Variants in ODC1 observed in about 807,000 individuals in gnomAD.
The protein encoded by ODC1 is ornithine decarboxylase.
Under a neutral mutation model 41.5 loss-of-function variants are expected in ODC1, and 18 were observed. That is an observed-to-expected ratio of 0.43 (90% confidence interval 0.30 to 0.64). The LOEUF (loss-of-function observed/expected upper bound fraction) is 0.64. Ranked by LOEUF, ODC1 falls within the 30% of genes least tolerant of loss-of-function variation. The pLI, the probability that ODC1 is intolerant of heterozygous loss-of-function variation, is 0.11. For missense variants in ODC1, 504 were observed against 589.0 expected (o/e 0.86, Z 1.49); for synonymous variants, 218 against 211.6 (o/e 1.03, Z -0.26).
chr2:10,440,638 C>A lies in ODC1; in HGVS notation c.*86G>T. Reference sequence around the variant, plus strand: ...CGACCCTACTCTTACAAAGACATTTCAAAACTAGCAGTAATTAAGTTACAT... The same window carrying A: ...CGACCCTACTCTTACAAAGACATTTAAAAACTAGCAGTAATTAAGTTACAT... On this transcript the variant is annotated 3_prime_UTR_variant, in exon 12 of 12. Transcript: ENST00000234111. The A allele has an allele frequency of 1.4e-6, 2 of 1,424,430 alleles. No homozygotes were observed. The highest frequency in any genetic ancestry group is 9.6e-7 in the Non-Finnish European group (1 of 1,037,190). The allele number at this position is 1,424,430 out of a possible 1,614,324, so 88.2% of individuals were successfully genotyped here.
intron 1 of ODC1, chr2:10,447,502 G>A (rs1356239242): frequency 6.6e-6 from 1 of 152,208 alleles, no homozygotes; most frequent in Non-Finnish European, 1.5e-5. Context: ...GTGTATGTCC[G>A]TTCATCTAAG....
chr2:10,444,033 T>C (rs1671929775), intron 5 of ODC1, 62 bp downstream of exon 5: 1 of 1,509,414 alleles, frequency 6.6e-7, no homozygotes, highest in South Asian at 1.3e-5. Flanking sequence ...TTTAAGTTTG[T>C]TTGATAAGAA....
intron 1 of ODC1, 120 bp from the exon 2 acceptor site, chr2:10,445,384 G>A (rs990398561): frequency 2.1e-5 from 5 of 233,928 alleles, no homozygotes; most frequent in Non-Finnish European, 3.4e-5. Flanking sequence ...TCACTGGCCT[G>A]GTCATCCTAA....
chr2:10,441,408 T>C, intron 11 of ODC1, 101 bp downstream of exon 11: 1 of 1,218,794 alleles, frequency 8.2e-7, no homozygotes, highest in Non-Finnish European at 1.1e-6. Context: ...CATATATATT[T>C]AATCTTAGGC....
chr2:10,440,627 CAA>C lies in ODC1; in HGVS notation c.*95_*96del. 1 of 1,338,382 alleles carries C rather than the reference CAA, an allele frequency of 7.5e-7. No individual in the cohort carries two copies. Among genetic ancestry groups the C allele is most frequent in the South Asian group, 1.3e-5 (1 of 74,800 alleles). The allele number at this position is 1,338,382 out of a possible 1,614,324, so 82.9% of individuals were successfully genotyped here. Reference sequence around the variant, plus strand: ...CTGCATCATGGCGACCCTACTCTTACAAAGACATTTCAAAACTAGCAGTAATT... The same window carrying C: ...CTGCATCATGGCGACCCTACTCTTACAGACATTTCAAAACTAGCAGTAATT... On this transcript the variant is annotated 3_prime_UTR_variant, in exon 12 of 12. Transcript: ENST00000234111.
rs28362399 is a variant in ODC1, at chr2:10,443,996, A to G, written c.449+99T>C. The G allele has an allele frequency of 5.3e-3, 7,771 of 1,462,548 alleles. 39 individuals carry two copies. The highest frequency in any genetic ancestry group is 8.2e-3 in the Middle Eastern group (45 of 5,520). The allele number at this position is 1,462,548 out of a possible 1,614,324, so 90.6% of individuals were successfully genotyped here. A position where few individuals can be genotyped will look rare whatever the true frequency, so the allele number is the denominator to read the frequency against. Reference sequence around the variant, plus strand: ...ATGGGGGTTTCAACTACTTTCTACTAAAGTATAGAAATATAATAATCAGAA... The same window carrying G: ...ATGGGGGTTTCAACTACTTTCTACTGAAGTATAGAAATATAATAATCAGAA... On this transcript the variant is annotated intron_variant, in intron 5 of 11. Coordinates refer to ENST00000234111, the MANE Select transcript of ODC1 (RefSeq NM_002539.3).
rs11538363 is a variant in ODC1 at position 10,443,275 on chromosome 2, G to A, written c.705C>T (p.Gly235=). Residue 235 remains glycine, a synonymous_variant, in exon 8 of 12, where the codon GGC becomes GGT. Transcript: ENST00000234111. ...VGFSMYLLDI[G]GGFPGSEDVK... Reference sequence around the variant, plus strand: ...CATCCTCAGATCCAGGAAAGCCACCGCCAATATCAAGCAGATACATGCTGA... The same window carrying A: ...CATCCTCAGATCCAGGAAAGCCACCACCAATATCAAGCAGATACATGCTGA... 9.9e-5 allele frequency: 160 copies of A among 1,612,408 alleles called. No individual in the cohort carries two copies. The African/African-American group carries it at 1.9e-3, about 19-fold the overall frequency.
chr2:10,444,558 G>T lies in ODC1; in HGVS notation c.192C>A (p.Pro64=). 13 of 1,614,086 alleles carry T rather than the reference G, an allele frequency of 8.1e-6. No individual in the cohort carries two copies. Among genetic ancestry groups the T allele is most frequent in the Non-Finnish European group, 1.1e-5 (13 of 1,179,982 alleles). Residue 64 remains proline, a synonymous_variant, in exon 4 of 12, where the codon CCC becomes CCA. Coordinates refer to ENST00000234111, the MANE Select transcript of ODC1 (RefSeq NM_002539.3). ...RWLKALPRVT[P]FYAVKCNDSK... is the part of the protein sequence containing the mutation. ...TATCATTACATTTGACTGCATAAAA[G>T]GGGGTGACACGAGGGAGAGCTTTTA...
At position 10,440,566 on chromosome 2, in the gene ODC1, A is replaced by C. The variant is rs1671786450; in HGVS notation, c.*158T>G. The C allele has an allele frequency of 1.6e-6, 1 of 628,980 alleles. No homozygotes were observed. 39.0% of individuals were successfully genotyped at this position (628,980 alleles called of 1,614,324 possible). A position where few individuals can be genotyped will look rare whatever the true frequency, so the allele number is the denominator to read the frequency against. On this transcript the variant is annotated 3_prime_UTR_variant, in exon 12 of 12. Transcript: ENST00000234111. ...ATTCAAATAGTTTCCATAGGAACACAGATAAGTGTGACCCATATCCTAGTC... is the reference window on the plus strand; with the variant it reads ...ATTCAAATAGTTTCCATAGGAACACCGATAAGTGTGACCCATATCCTAGTC...
At chr2:10,442,409 T>C (rs146453850) in intron 8 of ODC1, among the ~76,000 whole-genome samples, 55 of 152,322 alleles carry the variant, frequency 3.6e-4, no homozygotes, top group African/African-American at 1.1e-3. Flanking sequence ...TAGGATGTTA[T>C]GGGTATGATT....
chr2:10,440,927 G>C, intron 11 of ODC1, 59 bp from the exon 12 acceptor site: 1 of 1,565,234 alleles, frequency 6.4e-7, no homozygotes, highest in East Asian at 2.3e-5. Flanking sequence ...GGGCATGAGA[G>C]TATTTACTTC....
Position 10,443,839 on chromosome 2 carries a change from ACAAG to A in ODC1, c.450-7_450-4del. The A allele has an allele frequency of 6.2e-7, 1 of 1,613,446 alleles. No individual in the cohort carries two copies. The highest frequency in any genetic ancestry group is 8.5e-7 in the Non-Finnish European group (1 of 1,179,430). On this transcript the variant is annotated splice_region_variant and splice_polypyrimidine_tract_variant and intron_variant, in intron 5 of 11. Transcript: ENST00000234111. Reference sequence around the variant, plus strand: ...CAGTGGCAATCCGCAAAACCAACCTACAAGCAAGGAAAGTGCAGCAAATGTCTCA... The same window carrying A: ...CAGTGGCAATCCGCAAAACCAACCTACAAGGAAAGTGCAGCAAATGTCTCA...
chr2:10,444,299 T>A (rs774034352), intron 4 of ODC1, 32 bp from the exon 5 acceptor site: 2 of 1,550,510 alleles, frequency 1.3e-6, no homozygotes, highest in Admixed American at 4.1e-5. Flanking sequence ...ATGCTATCCA[T>A]ATGTGGCTTA....
chr2:10,440,696 T>C lies in ODC1; in HGVS notation c.*28A>G, dbSNP rs1419748097. 2 of 1,603,064 alleles carry C rather than the reference T, an allele frequency of 1.2e-6. No homozygotes were observed. Among genetic ancestry groups the C allele is most frequent in the Non-Finnish European group, 8.5e-7 (1 of 1,173,036 alleles). ...CCAAATCCCTTAATTCAAGCTAAAC[T>C]TGCAGTTAACAGCTACCAGAGTGCT... On this transcript the variant is annotated 3_prime_UTR_variant, in exon 12 of 12. Coordinates refer to ENST00000234111, the MANE Select transcript of ODC1 (RefSeq NM_002539.3).
chr2:10,440,327 G>A lies in ODC1; in HGVS notation c.*397C>T. On this transcript the variant is annotated 3_prime_UTR_variant, in exon 12 of 12. Transcript: ENST00000234111. Reference sequence around the variant, plus strand: ...CATTGTTCTCTGAGAATCAGAGCGAGCTATACGGGATTCGTGAACTGTCTG... The same window carrying A: ...CATTGTTCTCTGAGAATCAGAGCGAACTATACGGGATTCGTGAACTGTCTG... 1 of 164,902 alleles carries A rather than the reference G, an allele frequency of 6.1e-6. No individual in the cohort carries two copies. Among genetic ancestry groups the A allele is most frequent in the Non-Finnish European group, 1.3e-5 (1 of 75,528 alleles). 10.2% of individuals were successfully genotyped at this position (164,902 alleles called of 1,614,324 possible). A position where few individuals can be genotyped will look rare whatever the true frequency, so the allele number is the denominator to read the frequency against.
Position 10,444,206 on chromosome 2 carries a change from G to A in ODC1, c.338C>T (p.Pro113Leu). Residue 113 changes from proline (P) to leucine (L), a missense_variant, in exon 5 of 12, where the codon CCT (proline) becomes CTT (leucine). Pro to Leu is a moderately conservative substitution (Grantham distance 98, BLOSUM62 -3). This residue lies in a region of ODC1 where 447 missense variants were observed against 524.4 expected (regional missense o/e 0.85). Transcript: ENST00000234111. ...VPPERIIYANPCKQVSQIKYA... is the reference protein window; with the variant it reads ...VPPERIIYANLCKQVSQIKYA... ...CTTAATTTGAGATACTTGTTTACAA[G>A]GATTTGCATAGATAATCCTCTCTGG... The A allele has an allele frequency of 6.2e-7, 1 of 1,612,682 alleles. No individual in the cohort carries two copies. The highest frequency in any genetic ancestry group is 2.2e-5 in the East Asian group (1 of 44,876).
Position 10,441,687 on chromosome 2 carries a change from T to A in ODC1, c.1063A>T (p.Ile355Leu). 1.2e-6 allele frequency: 2 copies of A among 1,614,234 alleles called. No individual in the cohort carries two copies. The highest frequency in any genetic ancestry group is 1.1e-5 in the South Asian group (1 of 91,084). The part of the protein sequence containing the change: ...KPDEKYYSSS[I>L]WGPTCDGLDR... ...AGGCCATCACATGTTGGTCCCCATATGCTGGATGAATAATACTTCTCATCT... is the reference window on the plus strand; with the variant it reads ...AGGCCATCACATGTTGGTCCCCATAAGCTGGATGAATAATACTTCTCATCT... Residue 355 changes from isoleucine to leucine, a missense_variant, in exon 11 of 12, where the codon ATA (isoleucine) becomes TTA (leucine). Ile to Leu is a conservative substitution (Grantham distance 5). Around this residue, in one of 3 missense-constraint regions of ODC1, gnomAD observed 447 missense variants for 524.4 expected, o/e 0.85. Coordinates refer to ENST00000234111, the MANE Select transcript of ODC1 (RefSeq NM_002539.3).
chr2:10,444,036 G>C, intron 5 of ODC1, 59 bp downstream of exon 5: 7 of 1,507,104 alleles, frequency 4.6e-6, no homozygotes, highest in Non-Finnish European at 6.2e-6. Flanking sequence ...AAGTTTGTTT[G>C]ATAAGAATCC....
intron 1 of ODC1, chr2:10,446,798 G>A (rs1672030127): frequency 2.5e-6 from 1 of 407,278 alleles, no homozygotes; most frequent in South Asian, 1.8e-5. Flanking sequence ...TCTGGCATGG[G>A]GTACTATGAC....
Sources: allele counts gnomAD v4.1 joint callset (sites outside exome capture counted in the v4.1 genomes callset), GRCh38; gene constraint gnomAD v4.1.1; regional missense constraint gnomAD v4.1.1; transcripts MANE v1.5; gene names NCBI Gene and HGNC (gene_info 2026-07-23, HGNC 2026-07-21).